Variants in GNAO1 observed in about 807,000 individuals in gnomAD.
The protein encoded by GNAO1 is G protein subunit alpha o1, also known as guanine nucleotide-binding protein G(o) subunit alpha.
For missense variants in GNAO1, 166 were observed against 478.7 expected (o/e 0.35, Z 6.10); for synonymous variants, 164 against 180.7 (o/e 0.91, Z 0.74).
chr16:56,328,461 T>C (rs915987277), intron 3 of GNAO1, among the ~76,000 whole-genome samples, 170 bp from the exon 4 acceptor site: 6 of 152,180 alleles, frequency 3.9e-5, no homozygotes, highest in African/African-American at 1.4e-4. Context: ...GAACCCCAAC[T>C]GTGCATGCTC....
chr16:56,211,770 C>CCGCTTCT (rs1415301555), intron 2 of GNAO1, among the ~76,000 whole-genome samples: 6 of 152,208 alleles, frequency 3.9e-5, no homozygotes, highest in South Asian at 2.1e-4. Flanking sequence ...GCACCCCCTC[C>CCGCTTCT]CGCTTCTCGT....
intron 2 of GNAO1, among the ~76,000 whole-genome samples, chr16:56,229,220 AG>A (rs1208033620): frequency 2.0e-5 from 3 of 151,998 alleles, no homozygotes; most frequent in Admixed American, 6.6e-5. Context: ...GTTTGTTTTG[AG>A]ATGGAGTCTC....
chr16:56,264,876 G>A (rs1221620198), intron 2 of GNAO1, among the ~76,000 whole-genome samples: 1 of 150,986 alleles, frequency 6.6e-6, no homozygotes, highest in Non-Finnish European at 1.5e-5. Context: ...TTACTAAAGT[G>A]GTCATAATTA....
chr16:56,274,228 C>T (rs1449958072), intron 2 of GNAO1, among the ~76,000 whole-genome samples: 3 of 152,234 alleles, frequency 2.0e-5, no homozygotes, highest in Non-Finnish European at 2.9e-5. Context: ...CACAGTCCTG[C>T]ACTGTCTATT....
intron 3 of GNAO1, among the ~76,000 whole-genome samples, chr16:56,325,355 A>G (rs900854773): frequency 1.3e-5 from 2 of 152,210 alleles, no homozygotes; most frequent in Non-Finnish European, 2.9e-5. Flanking sequence ...ACATGCCTGT[A>G]ATCCCAGCTA....
chr16:56,347,871 A>T, intron 6 of GNAO1: 6 of 973,064 alleles, frequency 6.2e-6, no homozygotes, highest in Non-Finnish European at 7.3e-6. Context: ...GGTCTTCTCT[A>T]CTCCGCTGGT....
intron 2 of GNAO1, among the ~76,000 whole-genome samples, chr16:56,200,233 A>G (rs1415307324): frequency 1.3e-5 from 2 of 152,120 alleles, no homozygotes; most frequent in African/African-American, 4.8e-5. Context: ...GTCCCTTCCC[A>G]CCAGGGCTCC....
At chr16:56,224,352 G>C (rs2036516168) in intron 2 of GNAO1, among the ~76,000 whole-genome samples, 1 of 152,168 alleles carries the variant, frequency 6.6e-6, no homozygotes, top group Admixed American at 6.5e-5. Flanking sequence ...GGCTTCTCTA[G>C]ACCTCCTTAG....
intron 2 of GNAO1, among the ~76,000 whole-genome samples, chr16:56,221,305 C>T (rs955353989): frequency 4.6e-5 from 7 of 152,048 alleles, no homozygotes; most frequent in African/African-American, 1.4e-4. Flanking sequence ...CTCCCAGAGG[C>T]AGTCTGGGGA....
Position 56,267,599 on chromosome 16 carries a change from G to A in GNAO1, c.162-8332G>A, listed in dbSNP as rs146094535. Among the ~76,000 whole-genome samples the A allele has an allele frequency of 1.3e-3, 199 of 152,208 alleles. No homozygotes were observed. In the East Asian group the frequency reaches 0.024, roughly 18 times the overall value. On this transcript the variant is annotated intron_variant, in intron 2 of 8. Transcript: ENST00000262493. ...AGCCAGCACCTGCTCCGTGGTCACTGCTGTTTCCTGAGAGGCCGGTCCCAC... is the reference window on the plus strand; with the variant it reads ...AGCCAGCACCTGCTCCGTGGTCACTACTGTTTCCTGAGAGGCCGGTCCCAC...
intron 2 of GNAO1, among the ~76,000 whole-genome samples, chr16:56,197,256 C>T (rs983207046): frequency 6.6e-6 from 1 of 152,232 alleles, no homozygotes; most frequent in Admixed American, 6.5e-5. Context: ...AGCCACTCTT[C>T]TAGATTTGTA....
chr16:56,326,346 C>A lies in GNAO1; in HGVS notation c.304-2285C>A, dbSNP rs929722722. On this transcript the variant is annotated intron_variant, in intron 3 of 8. Transcript: ENST00000262493. The surrounding 1 kb of genome is among the most constrained non-coding windows in gnomAD (Gnocchi z 4.8). ...GGTCTGAGCAAAGTCCTGTCAGCCA[C>A]AGAGACATGTGAAGAGCAAGAAGAC... is the stretch of plus-strand genomic sequence containing the variant. Among the ~76,000 whole-genome samples the A allele has an allele frequency of 3.3e-5, 5 of 152,208 alleles. No homozygotes were observed. Among genetic ancestry groups the A allele is most frequent in the Non-Finnish European group, 5.9e-5 (4 of 68,036 alleles).
At chr16:56,271,589 G>A (rs2037018605) in intron 2 of GNAO1, among the ~76,000 whole-genome samples, 1 of 152,142 alleles carries the variant, frequency 6.6e-6, no homozygotes, top group South Asian at 2.1e-4. Flanking sequence ...AAGTAGCTGG[G>A]ACTACAGGTG....
chr16:56,212,931 A>G (rs1448387814), intron 2 of GNAO1, among the ~76,000 whole-genome samples: 1 of 152,260 alleles, frequency 6.6e-6, no homozygotes, highest in Non-Finnish European at 1.5e-5. Context: ...CCTAGAGCAC[A>G]GGGGATCTGG....
intron 2 of GNAO1, among the ~76,000 whole-genome samples, chr16:56,208,029 T>G (rs1354599003): frequency 6.6e-6 from 1 of 152,134 alleles, no homozygotes; most frequent in African/African-American, 2.4e-5. Flanking sequence ...GTCCTTGCCT[T>G]TCTTTAGAGT....
chr16:56,251,779 G>T (rs1418664908), intron 2 of GNAO1, among the ~76,000 whole-genome samples: 1 of 152,146 alleles, frequency 6.6e-6, no homozygotes, highest in Non-Finnish European at 1.5e-5. Flanking sequence ...TGTCATTTTG[G>T]TACCTGGTGA....
At chr16:56,235,365 C>G in intron 2 of GNAO1, 1 of 456,056 alleles carries the variant, frequency 2.2e-6, no homozygotes, top group Non-Finnish European at 4.4e-6. Context: ...GAAGTTGAAT[C>G]CTGCAGGGAC....
intron 2 of GNAO1, among the ~76,000 whole-genome samples, chr16:56,215,060 C>T (rs1164308034): frequency 1.3e-5 from 2 of 152,212 alleles, no homozygotes; most frequent in Non-Finnish European, 2.9e-5. Context: ...AACGCCTTCT[C>T]CCTGGCACCC....
chr16:56,238,341 C>T (rs2036660921), intron 2 of GNAO1, among the ~76,000 whole-genome samples: 1 of 152,220 alleles, frequency 6.6e-6, no homozygotes, highest in South Asian at 2.1e-4. Context: ...TGGAGACACA[C>T]AGCTATCCTT....
Sources: gnomAD v4.1 joint callset for allele counts (sites outside exome capture counted in the v4.1 genomes callset) on GRCh38, gnomAD v4.1.1 for gene constraint, Gnocchi (gnomAD v3.1) non-coding constraint, MANE v1.5 for transcripts, NCBI Gene and HGNC (gene_info 2026-07-23, HGNC 2026-07-21) for gene names.